PPP4R2: variants seen among roughly 807,000 people sequenced by gnomAD.
PPP4R2 encodes protein phosphatase 4 regulatory subunit 2, also known as serine/threonine-protein phosphatase 4 regulatory subunit 2.
PPP4R2 carries 13 observed loss-of-function variants against 47.2 expected under a neutral mutation model. That is an observed-to-expected ratio of 0.28 (90% CI 0.18 to 0.44). PPP4R2 has a LOEUF of 0.44. Ranked by LOEUF, PPP4R2 falls within the 20% of genes least tolerant of loss-of-function variation. The pLI is 1.00. For missense variants in PPP4R2, 421 were observed against 491.2 expected (o/e 0.86, Z 1.35); for synonymous variants, 151 against 163.3 (o/e 0.92, Z 0.57).
At chr3:73,036,671 T>C (rs1043520412) in intron 2 of PPP4R2, among the ~76,000 whole-genome samples, 1 of 152,252 alleles carries the variant, frequency 6.6e-6, no homozygotes, top group Non-Finnish European at 1.5e-5. Context: ...ATAGGTACTT[T>C]GCTTTTAATG....
intron 2 of PPP4R2, among the ~76,000 whole-genome samples, chr3:73,028,394 AT>A (rs1179644534): frequency 6.6e-6 from 1 of 151,880 alleles, no homozygotes; most frequent in Non-Finnish European, 1.5e-5. Flanking sequence ...AGAAGGTGAC[AT>A]TTGATCGAGG....
Position 73,048,408 on chromosome 3 carries a change from C to T in PPP4R2, c.287+1052C>T, listed in dbSNP as rs150873144. Among the ~76,000 whole-genome samples, 1,242 of 152,122 alleles carry T rather than the reference C, an allele frequency of 8.2e-3. 20 individuals are homozygous for T. The highest frequency in any genetic ancestry group is 0.027 in the African/African-American group (1,134 of 41,504). On this transcript the variant is annotated intron_variant, in intron 3 of 8. Transcript: ENST00000356692. ...AGGCTAGGACCACAGGTGCGCGCCA[C>T]GGTGCTCGGCTAATTTTTTTATTTT...
At chr3:73,064,714 G>C in intron 7 of PPP4R2, 138 bp from the exon 8 acceptor site, 1 of 750,068 alleles carries the variant, frequency 1.3e-6, no homozygotes, top group South Asian at 1.8e-5. Flanking sequence ...TTATTCTCTT[G>C]TGTTTTTCTT....
At chr3:73,064,323 CAA>C (rs1702937621) in intron 7 of PPP4R2, among the ~76,000 whole-genome samples, 177 bp downstream of exon 7, 1 of 152,146 alleles carries the variant, frequency 6.6e-6, no homozygotes, top group African/African-American at 2.4e-5. Flanking sequence ...TGGACATAGA[CAA>C]GACTTAAAAC....
intron 3 of PPP4R2, 68 bp downstream of exon 3, chr3:73,047,424 T>C: frequency 9.5e-7 from 1 of 1,053,754 alleles, no homozygotes; most frequent in Non-Finnish European, 1.3e-6. Flanking sequence ...TCTTTTAGTT[T>C]TGATGTGTCT....
rs1702447998 is a variant in PPP4R2 at position 73,044,625 on chromosome 3, A to G, written c.117-2561A>G. 2.0e-5 allele frequency among the ~76,000 whole-genome samples: 3 copies of G among 151,982 alleles called. No individual in the cohort carries two copies. In the South Asian group the frequency reaches 6.2e-4, roughly 31 times the overall value. ...GTTTCTCTACATCCTTGGCCAGCCAATACTTGTTCACTTGTTTTTTAGATA... is the reference window on the plus strand; with the variant it reads ...GTTTCTCTACATCCTTGGCCAGCCAGTACTTGTTCACTTGTTTTTTAGATA... On this transcript the variant is annotated intron_variant, in intron 2 of 8. Transcript: ENST00000356692.
In PPP4R2 at chr3:73,037,557, T is replaced by G. The variant is rs1169611610; in HGVS notation, c.117-9629T>G. The stretch of plus-strand genomic sequence containing the variant: ...ATTGCTGCTAGATAGAGGTCAGGGA[T>G]GCAAATATCCTACAGTGCACACAGA... On this transcript the variant is annotated intron_variant, in intron 2 of 8. Coordinates refer to ENST00000356692, the MANE Select transcript of PPP4R2 (RefSeq NM_174907.4). Among the ~76,000 whole-genome samples the G allele has an allele frequency of 2.6e-5, 4 of 152,198 alleles. No homozygotes were observed. In the East Asian group the frequency reaches 7.7e-4, roughly 29 times the overall value.
At position 73,047,213 on chromosome 3, in the gene PPP4R2, T is replaced by C. The variant is rs757895703; in HGVS notation, c.144T>C (p.Tyr48=). Residue 48 remains tyrosine, a synonymous_variant, in exon 3 of 9, where the codon TAT becomes TAC. Coordinates refer to ENST00000356692, the MANE Select transcript of PPP4R2 (RefSeq NM_174907.4). ...TMIQWSQFKG[Y]FIFKLEKVMD... is the part of the protein sequence containing the mutation. ...TTCAGTGGTCCCAATTTAAAGGCTA[T>C]TTTATTTTCAAACTGGAGAAAGTGA... is the stretch of plus-strand genomic sequence containing the variant. 16 of 1,572,682 alleles carry C rather than the reference T, an allele frequency of 1.0e-5. No individual in the cohort carries two copies. The highest frequency in any genetic ancestry group is 3.5e-6 in the Non-Finnish European group (4 of 1,157,830).
chr3:72,996,774 AG>A, upstream of PPP4R2: 1 of 341,366 alleles, frequency 2.9e-6, no homozygotes, highest in Non-Finnish European at 5.3e-6. Context: ...GGCGGGAGCG[AG>A]GACGGCGGCA....
intron 2 of PPP4R2, among the ~76,000 whole-genome samples, chr3:73,042,910 T>A (rs538325677): frequency 1.3e-5 from 2 of 152,254 alleles, no homozygotes; most frequent in South Asian, 4.1e-4. Context: ...GTCTCATGAG[T>A]TAGTGCCATA....
intron 2 of PPP4R2, among the ~76,000 whole-genome samples, chr3:73,002,640 T>C (rs1381724144): frequency 3.7e-5 from 3 of 81,408 alleles, no homozygotes; most frequent in South Asian, 7.0e-4. Context: ...TTTTCTTTTT[T>C]TTTTTTTTTT....
chr3:73,012,419 C>T (rs1004282251), intron 2 of PPP4R2, among the ~76,000 whole-genome samples: 1 of 152,136 alleles, frequency 6.6e-6, no homozygotes, highest in Non-Finnish European at 1.5e-5. Context: ...CCTGCCTCAG[C>T]CTCCCGCTTA....
chr3:73,059,419 T>A (rs1018274050), intron 4 of PPP4R2, among the ~76,000 whole-genome samples: 1 of 152,224 alleles, frequency 6.6e-6, no homozygotes, highest in South Asian at 2.1e-4. Context: ...TGTGAAGTTA[T>A]AATTGCTATT....
chr3:73,040,156 A>T (rs536732353), intron 2 of PPP4R2, among the ~76,000 whole-genome samples: 1 of 152,346 alleles, frequency 6.6e-6, no homozygotes, highest in African/African-American at 2.4e-5. Context: ...TTGTGGTCAA[A>T]ATCAGGTAAA....
rs571394079 is a variant in PPP4R2 at position 73,043,525 on chromosome 3, C to G, written c.117-3661C>G. 6.6e-5 allele frequency among the ~76,000 whole-genome samples: 10 copies of G among 152,280 alleles called. No homozygotes were observed. The South Asian group carries it at 1.4e-3, about 22-fold the overall frequency. On this transcript the variant is annotated intron_variant, in intron 2 of 8. Transcript: ENST00000356692. ...TTCTGAGGAACTGCCCAAGTACTTT[C>G]CAAAGCAACTACACCATTTTACTTT...
rs76177290 is a variant in PPP4R2 at position 73,058,583 on chromosome 3, A to G, written c.288-454A>G. 6.7e-3 allele frequency among the ~76,000 whole-genome samples: 1,024 copies of G among 152,088 alleles called. 10 individuals are homozygous for G. Among genetic ancestry groups the G allele is most frequent in the African/African-American group, 0.023 (959 of 41,510 alleles). ...TGGGGTACATGAGATATTTTGATAG[A>G]GCCATACAATGCATTATAATCACAT... is the stretch of plus-strand genomic sequence containing the variant. On this transcript the variant is annotated intron_variant, in intron 3 of 8. Transcript: ENST00000356692.
chr3:72,998,010 G>A, intron 1 of PPP4R2, 67 bp from the exon 2 acceptor site: 1 of 1,066,392 alleles, frequency 9.4e-7, no homozygotes, highest in South Asian at 1.3e-5. Context: ...AAAGGACTAG[G>A]AGGAAAGTTT....
intron 3 of PPP4R2, among the ~76,000 whole-genome samples, chr3:73,051,493 C>G (rs1349991243): frequency 6.6e-6 from 1 of 152,054 alleles, no homozygotes; most frequent in Non-Finnish European, 1.5e-5. Context: ...TGCTAATTTT[C>G]TTACTGGTAA....
intron 4 of PPP4R2, 137 bp from the exon 5 acceptor site, chr3:73,060,886 T>G: frequency 1.9e-6 from 1 of 527,010 alleles, no homozygotes; most frequent in Admixed American, 3.9e-5. Flanking sequence ...GTTTTCATTT[T>G]TAACCATTTT....
Sources: allele counts gnomAD v4.1 joint callset (sites outside exome capture counted in the v4.1 genomes callset), GRCh38; gene constraint gnomAD v4.1.1; transcripts MANE v1.5; gene names NCBI Gene and HGNC (gene_info 2026-07-23, HGNC 2026-07-21).